Variants in HSF5 observed in about 807,000 individuals in gnomAD.
The protein encoded by HSF5 is heat shock factor protein 5.
In HSF5, 5 loss-of-function variants were observed where a neutral mutation model predicts 50.8. The ratio of observed to expected loss-of-function variants is 0.10; its 90% CI spans 0.05 to 0.21. The LOEUF is 0.21. HSF5 is among the 10% of genes least tolerant of loss of function. The pLI is 1.00. For synonymous variants in HSF5, 307 were observed against 307.4 expected, an observed-to-expected ratio of 1.00 and a Z score of 0.02; for missense variants, 564 against 762.6, an observed-to-expected ratio of 0.74 and a Z score of 3.07.
intron 5 of HSF5, among the ~76,000 whole-genome samples, chr17:58,450,999 G>C (rs1169314708): frequency 6.6e-6 from 1 of 152,094 alleles, no homozygotes; most frequent in African/African-American, 2.4e-5. Flanking sequence ...TGAGGCAGGA[G>C]AATCGCTTGA....
chr17:58,481,814 A>C (rs1975101502), intron 1 of HSF5, among the ~76,000 whole-genome samples: 1 of 152,338 alleles, frequency 6.6e-6, no homozygotes, highest in South Asian at 2.1e-4. Context: ...AGCCTCAGCA[A>C]CATGGTGAAA....
rs1975080138 is a variant in HSF5 at position 58,480,341 on chromosome 17, A to T, written c.551-74T>A. The T allele has an allele frequency of 3.5e-6, 5 of 1,418,310 alleles. No homozygotes were observed. The Admixed American group carries it at 1.1e-4, about 32-fold the overall frequency. 87.9% of individuals were successfully genotyped at this position (1,418,310 alleles called of 1,614,324 possible). A position where few individuals can be genotyped will look rare whatever the true frequency, so the allele number is the denominator to read the frequency against. ...AGACATAGTAAACCAAAGGTCATAA[A>T]ATATGCTACTCTTCACCTATCAGCC... On this transcript the variant is annotated intron_variant, in intron 1 of 5. Coordinates refer to ENST00000323777, the MANE Select transcript of HSF5 (RefSeq NM_001080439.3).
rs1234708844 is a variant in HSF5, at chr17:58,487,708, G to C, written c.550+17C>G. On this transcript the variant is annotated intron_variant, in intron 1 of 5. Coordinates refer to ENST00000323777, the MANE Select transcript of HSF5 (RefSeq NM_001080439.3). ...ATGTGCCCACTGTGGGCGAGGGCAC[G>C]GGCAGTCCGGACTCACCGTGCGGCT... 5 of 1,381,646 alleles carry C rather than the reference G, an allele frequency of 3.6e-6. No homozygotes were observed. The highest frequency in any genetic ancestry group is 3.7e-5 in the South Asian group (2 of 54,306). 85.6% of individuals were successfully genotyped at this position (1,381,646 alleles called of 1,614,324 possible).
At chr17:58,426,155 G>A (rs1974294227) in intron 5 of HSF5, among the ~76,000 whole-genome samples, 1 of 152,192 alleles carries the variant, frequency 6.6e-6, no homozygotes, top group African/African-American at 2.4e-5. Context: ...GGAAATGACT[G>A]TTAAAGCAAC....
intron 5 of HSF5, among the ~76,000 whole-genome samples, chr17:58,455,910 GA>G: frequency 6.6e-6 from 1 of 152,120 alleles, no homozygotes; most frequent in East Asian, 1.9e-4. Context: ...TAGCATTATA[GA>G]AAAACAGTAT....
intron 5 of HSF5, among the ~76,000 whole-genome samples, chr17:58,454,761 CT>C (rs1453426791): frequency 6.6e-6 from 1 of 152,008 alleles, no homozygotes; most frequent in Non-Finnish European, 1.5e-5. Context: ...TAGAAACAAA[CT>C]TAACCAAGGA....
intron 2 of HSF5, among the ~76,000 whole-genome samples, chr17:58,477,629 T>C (rs886426206): frequency 6.6e-6 from 1 of 151,514 alleles, no homozygotes; most frequent in South Asian, 2.1e-4. Flanking sequence ...CCAGCTAATT[T>C]TTTTGTATTT....
intron 5 of HSF5, among the ~76,000 whole-genome samples, chr17:58,433,080 C>G (rs1421594694): frequency 6.6e-6 from 1 of 152,182 alleles, no homozygotes; most frequent in Non-Finnish European, 1.5e-5. Flanking sequence ...GTGGCACAAT[C>G]ACAGCTCACT....
intron 2 of HSF5, among the ~76,000 whole-genome samples, chr17:58,467,907 T>A (rs1974890394): frequency 6.6e-6 from 1 of 152,214 alleles, no homozygotes; most frequent in African/African-American, 2.4e-5. Flanking sequence ...GTTATTAATA[T>A]CACAACTGTG....
chr17:58,430,605 T>C (rs1272012391), intron 5 of HSF5, among the ~76,000 whole-genome samples: 2 of 152,178 alleles, frequency 1.3e-5, no homozygotes, highest in Non-Finnish European at 2.9e-5. Context: ...CTTTGTACTC[T>C]GGGACTTACA....
intron 2 of HSF5, among the ~76,000 whole-genome samples, chr17:58,478,068 T>A (rs1217599083): frequency 1.3e-5 from 2 of 151,968 alleles, no homozygotes; most frequent in Non-Finnish European, 2.9e-5. Flanking sequence ...TATTGCCTCA[T>A]TTCATCATTG....
At chr17:58,426,588 T>C (rs1974299094) in intron 5 of HSF5, among the ~76,000 whole-genome samples, 1 of 152,222 alleles carries the variant, frequency 6.6e-6, no homozygotes, top group Non-Finnish European at 1.5e-5. Flanking sequence ...ATCTCATCCA[T>C]AATCCAATAG....
At chr17:58,461,724 T>C (rs1031731173) in intron 4 of HSF5, among the ~76,000 whole-genome samples, 1 of 151,804 alleles carries the variant, frequency 6.6e-6, no homozygotes, top group African/African-American at 2.4e-5. Flanking sequence ...ATACAAAAAT[T>C]AGCTGGACAT....
rs377260170 is a variant in HSF5 at position 58,470,743 on chromosome 17, T to C, written c.926-3764A>G. Among the ~76,000 whole-genome samples the C allele has an allele frequency of 8.5e-5, 13 of 152,256 alleles. No individual in the cohort carries two copies. The South Asian group carries it at 1.2e-3, about 15-fold the overall frequency. ...GAGTTCGAGACCAGCCTTACCAACA[T>C]GGTGAAACCCCGTCACTACTAAAAA... On this transcript the variant is annotated intron_variant, in intron 2 of 5. Coordinates refer to ENST00000323777, the MANE Select transcript of HSF5 (RefSeq NM_001080439.3).
chr17:58,426,838 A>G (rs866697402), intron 5 of HSF5, among the ~76,000 whole-genome samples: 32 of 152,208 alleles, frequency 2.1e-4, no homozygotes, highest in African/African-American at 7.7e-4. Flanking sequence ...GTCAGCATGT[A>G]CTCAAAAGAG....
chr17:58,471,253 T>C (rs1281632910), intron 2 of HSF5, among the ~76,000 whole-genome samples: 2 of 152,204 alleles, frequency 1.3e-5, no homozygotes, highest in Non-Finnish European at 2.9e-5. Context: ...AAGGTAAATA[T>C]GATTGTATTT....
chr17:58,467,657 A>T (rs1974886469), intron 2 of HSF5, among the ~76,000 whole-genome samples: 1 of 152,238 alleles, frequency 6.6e-6, no homozygotes, highest in Non-Finnish European at 1.5e-5. Context: ...GGTTGTTGTG[A>T]TATAAATGAG....
chr17:58,427,763 C>T (rs1974314462), intron 5 of HSF5, among the ~76,000 whole-genome samples: 2 of 152,192 alleles, frequency 1.3e-5, no homozygotes, highest in African/African-American at 4.8e-5. Flanking sequence ...ACAAGGGGTG[C>T]CTCCTCACTC....
chr17:58,465,357 A>T (rs1974850695), intron 3 of HSF5, among the ~76,000 whole-genome samples: 1 of 151,920 alleles, frequency 6.6e-6, no homozygotes, highest in Non-Finnish European at 1.5e-5. Flanking sequence ...AGGTCTTTAT[A>T]AAAATGTTTT....
Sources: gnomAD v4.1 joint callset for allele counts (sites outside exome capture counted in the v4.1 genomes callset) on GRCh38, gnomAD v4.1.1 for gene constraint, MANE v1.5 for transcripts, NCBI Gene and HGNC (gene_info 2026-07-23, HGNC 2026-07-21) for gene names.